The following SUMF1 variants were observed in gnomAD, a reference collection of about 807,000 sequenced individuals.
The protein encoded by SUMF1 is sulfatase modifying factor 1, also known as formylglycine-generating enzyme.
SUMF1 carries 48 observed loss-of-function variants against 47.6 expected under a neutral mutation model. The ratio of observed to expected loss-of-function variants is 1.01; its 90% CI spans 0.80 to 1.28. SUMF1 has a LOEUF of 1.28. Ranked by LOEUF, SUMF1 falls within the 50% of genes most tolerant of loss-of-function variation. SUMF1 has a pLI of 0.00. For synonymous variants in SUMF1, 230 were observed against 192.1 expected, an observed-to-expected ratio of 1.20 and a Z score of -1.63; for missense variants, 571 against 485.4, an observed-to-expected ratio of 1.18 and a Z score of -1.66.
chr3:4,124,594 GA>G (rs1332992829), intron 8 of SUMF1, among the ~76,000 whole-genome samples: 4,327 of 138,248 alleles, frequency 0.031, 190 homozygotes, highest in African/African-American at 0.1. Context: ...TTGAATGAAG[GA>G]AAAAAAAAAA....
intron 8 of SUMF1, among the ~76,000 whole-genome samples, chr3:4,330,566 A>T (rs1699029829): frequency 6.6e-6 from 1 of 152,176 alleles, no homozygotes; most frequent in South Asian, 2.1e-4. Context: ...GCCACCATGA[A>T]TCAGTTTTCT....
chr3:4,400,123 G>A (rs1048920134), intron 7 of SUMF1, among the ~76,000 whole-genome samples: 4 of 152,038 alleles, frequency 2.6e-5, no homozygotes, highest in Admixed American at 1.3e-4. Flanking sequence ...GACCCAAACT[G>A]GGGGCCGAAT....
chr3:4,379,376 A>T (rs1700427372), intron 7 of SUMF1, among the ~76,000 whole-genome samples: 1 of 151,810 alleles, frequency 6.6e-6, no homozygotes, highest in Non-Finnish European at 1.5e-5. Context: ...AGGAACACAG[A>T]GAAGTCTATG....
At chr3:4,366,055 T>G (rs1392525728) in intron 8 of SUMF1, among the ~76,000 whole-genome samples, 1 of 151,946 alleles carries the variant, frequency 6.6e-6, no homozygotes, top group Non-Finnish European at 1.5e-5. Context: ...CCCACTCTCT[T>G]CTGGCTTGTA....
At chr3:4,253,862 T>A (rs975791512) in intron 8 of SUMF1, among the ~76,000 whole-genome samples, 1 of 149,684 alleles carries the variant, frequency 6.7e-6, no homozygotes, top group Non-Finnish European at 1.5e-5. Context: ...TAAATGTCCC[T>A]GTCTGACAGC....
At chr3:4,180,819 C>G (rs1199568084) in intron 8 of SUMF1, among the ~76,000 whole-genome samples, 1 of 151,598 alleles carries the variant, frequency 6.6e-6, no homozygotes, top group Non-Finnish European at 1.5e-5. Context: ...CACCACTGCA[C>G]TCCAGCCTTG....
intron 1 of SUMF1, among the ~76,000 whole-genome samples, chr3:4,454,333 T>C (rs1350974141): frequency 6.6e-6 from 1 of 152,216 alleles, no homozygotes. Context: ...TGCAGGTCCA[T>C]GCTCAACATC....
chr3:4,274,360 G>T (rs753411115), intron 8 of SUMF1, among the ~76,000 whole-genome samples: 2 of 152,094 alleles, frequency 1.3e-5, no homozygotes, highest in Non-Finnish European at 2.9e-5. Context: ...AAAGACCTAG[G>T]TATCTAAGCT....
chr3:4,272,919 T>C (rs547454633), intron 8 of SUMF1, among the ~76,000 whole-genome samples: 1 of 151,936 alleles, frequency 6.6e-6, no homozygotes, highest in African/African-American at 2.4e-5. Context: ...ACAGAAAAGT[T>C]TAAAAATTAG....
At chr3:4,106,870 A>C (rs1693171501) in intron 8 of SUMF1, among the ~76,000 whole-genome samples, 1 of 152,152 alleles carries the variant, frequency 6.6e-6, no homozygotes, top group South Asian at 2.1e-4. Flanking sequence ...CATTTATTAG[A>C]ATCCTCATAA....
intron 8 of SUMF1, among the ~76,000 whole-genome samples, chr3:4,150,539 G>C (rs1176558890): frequency 2.6e-5 from 3 of 115,774 alleles, no homozygotes; most frequent in African/African-American, 8.9e-5. Context: ...TCCAGAGTGA[G>C]ACTCCGTCTC....
chr3:4,252,349 TGC>T (rs756654603), intron 8 of SUMF1, among the ~76,000 whole-genome samples: 1 of 125,114 alleles, frequency 8.0e-6, no homozygotes. Flanking sequence ...AATACACACA[TGC>T]GCACACACAC....
intron 3 of SUMF1, among the ~76,000 whole-genome samples, chr3:4,432,796 T>C (rs1702275374): frequency 6.6e-6 from 1 of 152,252 alleles, no homozygotes; most frequent in Admixed American, 6.5e-5. Context: ...AATAAGGATT[T>C]AGATCTAGTT....
chr3:4,143,289 T>G (rs945944846), intron 8 of SUMF1, among the ~76,000 whole-genome samples: 1 of 152,132 alleles, frequency 6.6e-6, no homozygotes, highest in South Asian at 2.1e-4. Flanking sequence ...TGCAGAAAAG[T>G]TGGTGCAAAT....
chr3:4,095,324 T>C (rs1176393908), intron 8 of SUMF1, among the ~76,000 whole-genome samples: 1 of 152,132 alleles, frequency 6.6e-6, no homozygotes, highest in East Asian at 1.9e-4. Context: ...AAAAGGATTA[T>C]TGTGCAACTC....
chr3:4,392,979 T>C (rs1333564685), intron 7 of SUMF1, among the ~76,000 whole-genome samples: 2 of 152,196 alleles, frequency 1.3e-5, no homozygotes, highest in Non-Finnish European at 2.9e-5. Flanking sequence ...AGAAATGGCA[T>C]TCAAAGTGGC....
intron 8 of SUMF1, among the ~76,000 whole-genome samples, chr3:4,171,471 C>T (rs1417246128): frequency 1.3e-5 from 2 of 152,168 alleles, no homozygotes; most frequent in East Asian, 3.9e-4. Flanking sequence ...CTGAATCATT[C>T]AGGCCAAATG....
At chr3:4,213,191 C>T (rs1326863464) in intron 8 of SUMF1, among the ~76,000 whole-genome samples, 1 of 152,072 alleles carries the variant, frequency 6.6e-6, no homozygotes, top group Non-Finnish European at 1.5e-5. Flanking sequence ...AAAGGAGAGC[C>T]CATCAGACTA....
chr3:4,353,520 G>A (rs561965647), intron 8 of SUMF1, among the ~76,000 whole-genome samples: 2 of 152,248 alleles, frequency 1.3e-5, no homozygotes, highest in South Asian at 4.1e-4. Flanking sequence ...CCAAAGTGCC[G>A]GGATTACAGG....
Sources: gnomAD v4.1 joint callset for allele counts (sites outside exome capture counted in the v4.1 genomes callset) on GRCh38, gnomAD v4.1.1 for gene constraint, MANE v1.5 for transcripts, NCBI Gene and HGNC (gene_info 2026-07-23, HGNC 2026-07-21) for gene names.